Variants in RPTOR observed in about 807,000 individuals in gnomAD.
The protein encoded by RPTOR is regulatory associated protein of MTOR complex 1, also known as regulatory-associated protein of mTOR.
In RPTOR, 21 loss-of-function variants were observed where a neutral mutation model predicts 169.9. The ratio of observed to expected loss-of-function variants is 0.12; its 90% CI spans 0.09 to 0.18. The LOEUF is 0.18. RPTOR is among the 10% of genes least tolerant of loss of function. RPTOR has a pLI of 1.00. For synonymous variants in RPTOR, 732 were observed against 753.2 expected (o/e 0.97, Z 0.46); for missense variants, 1,133 against 1,855.9 (o/e 0.61, Z 7.16).
intron 9 of RPTOR, among the ~76,000 whole-genome samples, chr17:80,826,521 C>T (rs998376542): frequency 3.9e-5 from 6 of 152,248 alleles, no homozygotes; most frequent in Non-Finnish European, 8.8e-5. Context: ...CCAGGGCCTC[C>T]GGCCCAGCCC....
At chr17:80,870,138 C>T (rs1211420659) in intron 13 of RPTOR, among the ~76,000 whole-genome samples, 1 of 152,232 alleles carries the variant, frequency 6.6e-6, no homozygotes, top group Non-Finnish European at 1.5e-5. Context: ...TCAGTCCAGA[C>T]TGACCTTCTG....
intron 4 of RPTOR, among the ~76,000 whole-genome samples, chr17:80,712,525 ATACTC>A (rs2066203815): frequency 6.6e-6 from 1 of 152,196 alleles, no homozygotes; most frequent in Admixed American, 6.5e-5. Context: ...TTACTGAGCA[ATACTC>A]TACTGTGTGA....
Position 80,547,962 on chromosome 17 carries a change from C to A in RPTOR, c.162+2171C>A, listed in dbSNP as rs561778056. ...TCTCTCTTTGTCTTTGAGAAGTCAG[C>A]AAACTTTTTTTTTCTTTTATTGTAA... On this transcript the variant is annotated intron_variant, in intron 1 of 33. Transcript: ENST00000306801. Among the ~76,000 whole-genome samples the A allele has an allele frequency of 9.9e-5, 15 of 151,850 alleles. No homozygotes were observed. In the South Asian group the frequency reaches 3.1e-3, roughly 31 times the overall value.
intron 3 of RPTOR, among the ~76,000 whole-genome samples, chr17:80,690,344 C>T (rs1006938319): frequency 1.1e-4 from 16 of 151,912 alleles, no homozygotes; most frequent in African/African-American, 3.9e-4. Flanking sequence ...CACACACATA[C>T]ACACACACAC....
intron 1 of RPTOR, among the ~76,000 whole-genome samples, chr17:80,571,751 G>A (rs560359529): frequency 3.9e-5 from 6 of 152,254 alleles, no homozygotes; most frequent in African/African-American, 1.2e-4. Flanking sequence ...AAACTCCTGA[G>A]CTCAAGCAAT....
chr17:80,556,127 A>G lies in RPTOR; in HGVS notation c.162+10336A>G, dbSNP rs192272931. Among the ~76,000 whole-genome samples the G allele has an allele frequency of 2.6e-5, 4 of 151,584 alleles. No individual in the cohort carries two copies. The South Asian group carries it at 8.3e-4, about 32-fold the overall frequency. On this transcript the variant is annotated intron_variant, in intron 1 of 33. Coordinates refer to ENST00000306801, the MANE Select transcript of RPTOR (RefSeq NM_020761.3). ...GTGATTGTAAGGGCAGTGGCCTTAC[A>G]TGTGGCCACACAGCCACCGTCAGGG...
rs966326815 is a variant in RPTOR at position 80,562,282 on chromosome 17, C to G, written c.162+16491C>G. ...AAGAACACGTGTTTGCTTGTGAAAACTTAAGGAATGTTTTGGTGGGATATG... is the reference window on the plus strand; with the variant it reads ...AAGAACACGTGTTTGCTTGTGAAAAGTTAAGGAATGTTTTGGTGGGATATG... On this transcript the variant is annotated intron_variant, in intron 1 of 33. Coordinates refer to ENST00000306801, the MANE Select transcript of RPTOR (RefSeq NM_020761.3). This position sits in a 1 kb window ranked among gnomAD's most constrained non-coding sequence, Gnocchi z 4.4. 7.9e-5 allele frequency among the ~76,000 whole-genome samples: 12 copies of G among 152,172 alleles called. No individual in the cohort carries two copies. Among genetic ancestry groups the G allele is most frequent in the African/African-American group, 2.7e-4 (11 of 41,436 alleles).
intron 28 of RPTOR, among the ~76,000 whole-genome samples, chr17:80,951,958 G>A (rs1053109993): frequency 6.6e-6 from 1 of 152,230 alleles, no homozygotes; most frequent in Non-Finnish European, 1.5e-5. Flanking sequence ...ACAAGAAGAG[G>A]CCACCAGGAC....
intron 6 of RPTOR, among the ~76,000 whole-genome samples, chr17:80,772,143 G>T (rs1222645578): frequency 1.3e-5 from 2 of 152,322 alleles, no homozygotes; most frequent in South Asian, 2.1e-4. Flanking sequence ...GGCACCTCGG[G>T]TATCAGGGTA....
At position 80,925,431 on chromosome 17, in the gene RPTOR, C is replaced by T. The variant is rs200514795; in HGVS notation, c.2870C>T (p.Thr957Met). 2.5e-6 allele frequency: 4 copies of T among 1,613,504 alleles called. No individual in the cohort carries two copies. The highest frequency in any genetic ancestry group is 2.2e-5 in the East Asian group (1 of 44,902). Residue 957 changes from threonine to methionine, a missense_variant, in exon 24 of 34, where the codon ACG (threonine) becomes ATG (methionine). This residue lies in a region of RPTOR where 410 missense variants were observed against 623.7 expected (regional missense o/e 0.66). Coordinates refer to ENST00000306801, the MANE Select transcript of RPTOR (RefSeq NM_020761.3). ...AGTTTCATCTCCGCCACGGTGCAGA[C>T]GGGGTTCTGCGACTGGAGCGCCCGC... is the stretch of plus-strand genomic sequence containing the variant. ...HKSFISATVQ[T>M]GFCDWSARYF...
intron 4 of RPTOR, among the ~76,000 whole-genome samples, chr17:80,728,757 T>C (rs893147919): frequency 1.3e-5 from 2 of 151,998 alleles, no homozygotes; most frequent in African/African-American, 4.8e-5. Context: ...TTCTCTGTAC[T>C]ATATAATCAT....
Position 80,880,399 on chromosome 17 carries a change from G to A in RPTOR, c.1510-16G>A. 6.2e-7 allele frequency: 1 copy of A among 1,613,140 alleles called. No individual in the cohort carries two copies. Among genetic ancestry groups the A allele is most frequent in the East Asian group, 2.2e-5 (1 of 44,872 alleles). Reference sequence around the variant, plus strand: ...ACACTGCACTCACTGCCTCTCCTCTGTCTCTTTCTGTCCAGTCGTGCCAAG... The same window carrying A: ...ACACTGCACTCACTGCCTCTCCTCTATCTCTTTCTGTCCAGTCGTGCCAAG... On this transcript the variant is annotated splice_polypyrimidine_tract_variant and intron_variant, in intron 13 of 33. Transcript: ENST00000306801.
intron 1 of RPTOR, among the ~76,000 whole-genome samples, chr17:80,568,552 T>C (rs1359845856): frequency 6.6e-6 from 1 of 152,238 alleles, no homozygotes; most frequent in East Asian, 1.9e-4. Context: ...TGTAGTTTTC[T>C]TTGTGATTAG....
chr17:80,581,290 TCTTCCTTC>T (rs965742479), intron 1 of RPTOR, among the ~76,000 whole-genome samples: 2 of 152,262 alleles, frequency 1.3e-5, no homozygotes, highest in African/African-American at 4.8e-5. Flanking sequence ...TTGCTTTCTT[TCTTCCTTC>T]CTTCCTTCCC....
At chr17:80,725,303 A>T (rs1567876567) in intron 4 of RPTOR, among the ~76,000 whole-genome samples, 1 of 152,216 alleles carries the variant, frequency 6.6e-6, no homozygotes, top group Non-Finnish European at 1.5e-5. Context: ...ATATAACCTG[A>T]CAGATAAAGT....
intron 7 of RPTOR, among the ~76,000 whole-genome samples, chr17:80,809,616 A>G (rs1194545647): frequency 6.6e-6 from 1 of 152,236 alleles, no homozygotes; most frequent in Non-Finnish European, 1.5e-5. Context: ...TGGATGTTCA[A>G]GTCTCTTGCC....
intron 7 of RPTOR, among the ~76,000 whole-genome samples, chr17:80,800,277 A>G (rs2067143933): frequency 6.6e-6 from 1 of 152,128 alleles, no homozygotes; most frequent in Non-Finnish European, 1.5e-5. Context: ...AGACGTGGGG[A>G]GGTTTCGTTC....
At position 80,545,482 on chromosome 17, in the gene RPTOR, G is replaced by C; in HGVS notation, c.-148G>C. On this transcript the variant is annotated 5_prime_UTR_variant, in exon 1 of 34. Coordinates refer to ENST00000306801, the MANE Select transcript of RPTOR (RefSeq NM_020761.3). ...AGATAAGGATCTCAGACTTTTGCCT[G>C]AGTAAGGGTCTCCGCACTCTTTATC... 2 of 609,406 alleles carry C rather than the reference G, an allele frequency of 3.3e-6. No individual in the cohort carries two copies. The highest frequency in any genetic ancestry group is 2.2e-5 in the South Asian group (1 of 46,376). The allele number at this position is 609,406 out of a possible 1,614,324, so 37.7% of individuals were successfully genotyped here.
At chr17:80,690,340 CAT>C (rs1192066907) in intron 3 of RPTOR, among the ~76,000 whole-genome samples, 4,222 of 130,126 alleles carry the variant, frequency 0.032, 203 homozygotes, top group African/African-American at 0.11. Flanking sequence ...CACACACACA[CAT>C]ACACACACAC....
Sources: allele counts gnomAD v4.1 joint callset (sites outside exome capture counted in the v4.1 genomes callset), GRCh38; gene constraint gnomAD v4.1.1; regional missense constraint gnomAD v4.1.1; non-coding constraint Gnocchi (gnomAD v3.1); transcripts MANE v1.5; gene names NCBI Gene and HGNC (gene_info 2026-07-23, HGNC 2026-07-21).